Variants in NDEL1 observed in about 807,000 individuals in gnomAD.
The protein encoded by NDEL1 is nudE neurodevelopment protein 1 like 1, also known as nuclear distribution protein nudE-like 1.
Under a neutral mutation model 45.7 loss-of-function variants are expected in NDEL1, and 9 were observed. The ratio of observed to expected loss-of-function variants is 0.20; its 90% CI spans 0.12 to 0.34. The LOEUF is 0.34. Ranked by LOEUF, NDEL1 falls within the 10% of genes least tolerant of loss-of-function variation. NDEL1 has a pLI of 1.00. For synonymous variants in NDEL1, 133 were observed against 158.6 expected (o/e 0.84, Z 1.21); for missense variants, 306 against 406.2 (o/e 0.75, Z 2.12).
chr17:8,449,746 A>G (rs145075978), intron 5 of NDEL1, among the ~76,000 whole-genome samples: 19 of 151,260 alleles, frequency 1.3e-4, no homozygotes, highest in African/African-American at 3.4e-4. Context: ...ATGATACTCC[A>G]TTGTATGTAT....
intron 1 of NDEL1, among the ~76,000 whole-genome samples, chr17:8,416,651 C>T (rs972130131): frequency 6.6e-6 from 1 of 152,054 alleles, no homozygotes; most frequent in Admixed American, 6.6e-5. Context: ...GTTTTTTCAT[C>T]GATTGTCCTG....
Position 8,454,887 on chromosome 17 carries a change from G to C in NDEL1, c.792G>C (p.Gly264=). ...NIVGDLLRKV[G]ALESKLAACR... ...TGGGGGATCTCTTACGGAAAGTAGG[G>C]GTAAGTTTCAATTATTTATCACTAG... Residue 264 remains glycine (G), a splice_region_variant and synonymous_variant, in exon 7 of 9, where the codon GGG becomes GGC. Transcript: ENST00000334527. 3 of 1,610,690 alleles carry C rather than the reference G, an allele frequency of 1.9e-6. No individual in the cohort carries two copies. The highest frequency in any genetic ancestry group is 2.5e-6 in the Non-Finnish European group (3 of 1,177,848).
chr17:8,434,122 G>T (rs1909095582), upstream of NDEL1, among the ~76,000 whole-genome samples: 1 of 152,218 alleles, frequency 6.6e-6, no homozygotes, highest in South Asian at 2.1e-4. Context: ...ACTGAAATTG[G>T]AAAGGATTAC....
At chr17:8,459,837 C>A (rs1482257004) in intron 7 of NDEL1, among the ~76,000 whole-genome samples, 172 bp from the exon 8 acceptor site, 2 of 152,138 alleles carry the variant, frequency 1.3e-5, no homozygotes, top group African/African-American at 2.4e-5. Flanking sequence ...AGAAAGGGAG[C>A]ATAAGTATTC....
chr17:8,414,624 G>A (rs1250691053), intron 1 of NDEL1, among the ~76,000 whole-genome samples: 1 of 151,970 alleles, frequency 6.6e-6, no homozygotes, highest in Admixed American at 6.6e-5. Context: ...CTGAGATCGC[G>A]CCACTGCACT....
intron 1 of NDEL1, among the ~76,000 whole-genome samples, chr17:8,440,513 CA>C (rs34423110): frequency 0.95 from 130,993 of 137,970 alleles, 62,174 homozygotes; most frequent in South Asian, 0.99. Context: ...GACTCCATCT[CA>C]AAAAAAAAAA....
upstream of NDEL1, among the ~76,000 whole-genome samples, chr17:8,434,316 G>A (rs755233710): frequency 2.6e-5 from 4 of 152,054 alleles, no homozygotes; most frequent in African/African-American, 9.7e-5. Context: ...TCCCGGGTTC[G>A]AGCGATTCTC....
chr17:8,459,807 C>T (rs755539121), intron 7 of NDEL1, among the ~76,000 whole-genome samples: 5 of 152,092 alleles, frequency 3.3e-5, no homozygotes, highest in Non-Finnish European at 7.4e-5. Flanking sequence ...GAGGAGGAAA[C>T]AAAATATTCT....
At chr17:8,473,071 T>C (rs1041783539), downstream of NDEL1, among the ~76,000 whole-genome samples, 1 of 152,206 alleles carries the variant, frequency 6.6e-6, no homozygotes, top group African/African-American at 2.4e-5. Flanking sequence ...AGTTATTAAA[T>C]AGTATCTTTG....
At chr17:8,473,788 T>C (rs1307353009) in intron 3 of NDEL1, among the ~76,000 whole-genome samples, 3 of 152,236 alleles carry the variant, frequency 2.0e-5, no homozygotes, top group Non-Finnish European at 4.4e-5. Context: ...CTCATCCTAG[T>C]TGGCCCGCAC....
chr17:8,449,454 C>T (rs1394739878), intron 5 of NDEL1, among the ~76,000 whole-genome samples: 2 of 152,208 alleles, frequency 1.3e-5, no homozygotes, highest in East Asian at 3.9e-4. Flanking sequence ...AGTGTACAGT[C>T]CAGTAGTGTT....
intron 4 of NDEL1, among the ~76,000 whole-genome samples, chr17:8,448,121 G>T (rs1294857166): frequency 6.6e-6 from 1 of 152,170 alleles, no homozygotes; most frequent in Non-Finnish European, 1.5e-5. Flanking sequence ...GAAAGTTCCG[G>T]TTTTCCTTTT....
upstream of NDEL1, among the ~76,000 whole-genome samples, chr17:8,432,319 T>TATA (rs1325898294): frequency 2.1e-5 from 1 of 48,392 alleles, no homozygotes; most frequent in African/African-American, 6.8e-5. Flanking sequence ...ATATATATAT[T>TATA]TATATATAAA....
chr17:8,439,680 T>G (rs1909608083), intron 1 of NDEL1, among the ~76,000 whole-genome samples: 5 of 152,222 alleles, frequency 3.3e-5, no homozygotes, highest in Admixed American at 3.3e-4. Context: ...ATGATCAGTT[T>G]TAAAGAATCA....
At chr17:8,435,869 C>G, upstream of NDEL1, 1 of 447,596 alleles carries the variant, frequency 2.2e-6, no homozygotes, top group Non-Finnish European at 4.5e-6. Flanking sequence ...ACAGAATGGC[C>G]TCGGACACCC....
At chr17:8,424,020 T>C (rs896961511) in intron 1 of NDEL1, among the ~76,000 whole-genome samples, 2 of 152,212 alleles carry the variant, frequency 1.3e-5, no homozygotes, top group African/African-American at 4.8e-5. Flanking sequence ...TTTTAAACTT[T>C]AGAAAATTAC....
At chr17:8,418,514 T>C (rs1054288725) in intron 1 of NDEL1, among the ~76,000 whole-genome samples, 3 of 152,262 alleles carry the variant, frequency 2.0e-5, no homozygotes, top group African/African-American at 7.2e-5. Context: ...ATTGGCCATT[T>C]ATATCTCTTC....
At chr17:8,472,848 G>A (rs922372017), downstream of NDEL1, among the ~76,000 whole-genome samples, 6 of 152,146 alleles carry the variant, frequency 3.9e-5, no homozygotes, top group South Asian at 2.1e-4. Flanking sequence ...CAGGCTCAAC[G>A]AAAGAGCAAG....
At chr17:8,421,333 C>A (rs534531960) in intron 1 of NDEL1, among the ~76,000 whole-genome samples, 6 of 152,284 alleles carry the variant, frequency 3.9e-5, no homozygotes, top group African/African-American at 1.4e-4. Context: ...AGGGACTTTG[C>A]AGACATGATT....
Sources: gnomAD v4.1 joint callset for allele counts (sites outside exome capture counted in the v4.1 genomes callset) on GRCh38, gnomAD v4.1.1 for gene constraint, MANE v1.5 for transcripts, NCBI Gene and HGNC (gene_info 2026-07-23, HGNC 2026-07-21) for gene names.